Variants in CALN1 observed in about 807,000 individuals in gnomAD.
CALN1 encodes the protein calcium-binding protein 8.
A neutral mutation model predicts 30.6 loss-of-function variants in CALN1; 17 were observed. The observed-to-expected ratio is 0.56, with a 90% CI of 0.38 to 0.83. The LOEUF (loss-of-function observed/expected upper bound fraction) is 0.83, where lower values mean the gene tolerates loss of function less well. CALN1 is among the 40% of genes least tolerant of loss of function. The probability of loss-of-function intolerance (pLI) is 0.00; values close to 1 mark genes in which losing one functional copy is unlikely to be tolerated. For missense variants in CALN1, 291 were observed against 354.9 expected (o/e 0.82, Z 1.45); for synonymous variants, 156 against 131.4 (o/e 1.19, Z -1.28).
chr7:71,887,822 G>A (rs1793003765), intron 5 of CALN1, among the ~76,000 whole-genome samples: 1 of 152,136 alleles, frequency 6.6e-6, no homozygotes, highest in Non-Finnish European at 1.5e-5. Flanking sequence ...AAGGAGGAGA[G>A]CAGGTGGACA....
chr7:72,487,971 G>A, the CALN1 span, among the ~76,000 whole-genome samples: 5 of 132,812 alleles, frequency 3.8e-5, no homozygotes, highest in Non-Finnish European at 8.4e-5. Flanking sequence ...AGGAAGGAAG[G>A]AAGGAAGGAA....
chr7:72,416,734 C>CAAAAAAAAAAAAAAAAAAA (rs4029798), upstream of CALN1, among the ~76,000 whole-genome samples: 1 of 77,690 alleles, frequency 1.3e-5, no homozygotes, highest in African/African-American at 5.2e-5. Flanking sequence ...GACTCTGTCT[C>CAAAAAAAAAAAAAAAAAAA]AAAAAAAAAA....
At chr7:72,263,686 GATT>G (rs1317342685) in intron 3 of CALN1, among the ~76,000 whole-genome samples, 2 of 152,142 alleles carry the variant, frequency 1.3e-5, no homozygotes, top group Non-Finnish European at 2.9e-5. Context: ...ACAGTGTTGG[GATT>G]ACAGGCACGA....
intron 5 of CALN1, among the ~76,000 whole-genome samples, chr7:71,982,018 C>T (rs1258033316): frequency 2.6e-5 from 4 of 152,192 alleles, no homozygotes; most frequent in African/African-American, 4.8e-5. Flanking sequence ...TGGCTTCCCT[C>T]GCCTTGCCTT....
chr7:72,344,163 G>T (rs1359898152), intron 2 of CALN1, among the ~76,000 whole-genome samples: 1 of 152,090 alleles, frequency 6.6e-6, no homozygotes, highest in Non-Finnish European at 1.5e-5. Flanking sequence ...GGGCCTGTCT[G>T]CAGCTACTCA....
intron 3 of CALN1, among the ~76,000 whole-genome samples, chr7:72,186,649 C>G (rs534920825): frequency 6.6e-6 from 1 of 152,200 alleles, no homozygotes; most frequent in East Asian, 1.9e-4. Context: ...CTCTCACTTA[C>G]AAGTGAGAAC....
intron 2 of CALN1, among the ~76,000 whole-genome samples, chr7:72,292,342 G>A (rs1585383528): frequency 1.3e-5 from 2 of 151,718 alleles, no homozygotes; most frequent in Admixed American, 1.3e-4. Flanking sequence ...ACAGCAGAGA[G>A]CGCTCTGGTC....
chr7:72,152,745 T>C (rs570696247), intron 3 of CALN1, among the ~76,000 whole-genome samples: 1 of 151,976 alleles, frequency 6.6e-6, no homozygotes, highest in East Asian at 1.9e-4. Flanking sequence ...TTTTTCCTAG[T>C]TTTTCTTAGG....
intron 4 of CALN1, among the ~76,000 whole-genome samples, chr7:72,033,727 G>A (rs982856970): frequency 6.6e-6 from 1 of 152,166 alleles, no homozygotes; most frequent in African/African-American, 2.4e-5. Context: ...GGGCCCAGAA[G>A]GTCAAGGCAG....
chr7:72,300,969 G>A (rs933899551), intron 2 of CALN1, among the ~76,000 whole-genome samples: 10 of 152,078 alleles, frequency 6.6e-5, no homozygotes, highest in Admixed American at 2.6e-4. Context: ...ACTCCAGCCT[G>A]GGTGACAGAG....
At chr7:71,822,086 AC>A (rs1406305605) in intron 5 of CALN1, among the ~76,000 whole-genome samples, 1 of 151,640 alleles carries the variant, frequency 6.6e-6, no homozygotes, top group Non-Finnish European at 1.5e-5. Flanking sequence ...TGGTTTTTAA[AC>A]TTTTTAATGT....
chr7:72,284,609 G>A (rs1244176030), intron 2 of CALN1, among the ~76,000 whole-genome samples: 1 of 152,118 alleles, frequency 6.6e-6, no homozygotes, highest in African/African-American at 2.4e-5. Context: ...TCTTCAAGCT[G>A]GTACATCAGT....
chr7:72,389,818 C>G lies in CALN1; in HGVS notation c.119+13433G>C, dbSNP rs542401482. 2.9e-3 allele frequency among the ~76,000 whole-genome samples: 446 copies of G among 151,672 alleles called. 2 individuals are homozygous for G. Among genetic ancestry groups the G allele is most frequent in the African/African-American group, 0.01 (429 of 41,080 alleles). On this transcript the variant is annotated intron_variant, in intron 2 of 6. Transcript: ENST00000395275. ...CCTGTAATCCCAGCTACTCGGGAGG[C>G]TGAGGCAGGAGAATCCCTTGAACCC...
intron 3 of CALN1, among the ~76,000 whole-genome samples, chr7:72,268,401 T>C (rs1796734165): frequency 6.6e-6 from 1 of 152,208 alleles, no homozygotes; most frequent in Admixed American, 6.5e-5. Flanking sequence ...ACCAGTAACA[T>C]GGCTGTAGGC....
At chr7:72,437,513 C>T (rs565064289) in intron 1 of CALN1, among the ~76,000 whole-genome samples, 1 of 115,400 alleles carries the variant, frequency 8.7e-6, no homozygotes, top group Non-Finnish European at 1.8e-5. Flanking sequence ...GGTGAGAAAC[C>T]CAGTTGTGTG....
At chr7:72,226,818 A>G (rs1374342744) in intron 3 of CALN1, among the ~76,000 whole-genome samples, 1 of 152,188 alleles carries the variant, frequency 6.6e-6, no homozygotes, top group East Asian at 1.9e-4. Flanking sequence ...CAAGGTGAGC[A>G]GATGCCTTGA....
At chr7:72,134,137 T>C (rs1809347365) in intron 3 of CALN1, among the ~76,000 whole-genome samples, 1 of 152,170 alleles carries the variant, frequency 6.6e-6, no homozygotes, top group African/African-American at 2.4e-5. Flanking sequence ...TCTTCTGCCA[T>C]ATGAGGACAT....
At chr7:72,406,206 G>A (rs900972356) in intron 1 of CALN1, among the ~76,000 whole-genome samples, 4 of 152,140 alleles carry the variant, frequency 2.6e-5, no homozygotes, top group Admixed American at 1.3e-4. Context: ...CTGGCGTAAC[G>A]AGGGAAGCCA....
chr7:71,970,108 G>A (rs1374632124), intron 5 of CALN1, among the ~76,000 whole-genome samples: 1 of 151,938 alleles, frequency 6.6e-6, no homozygotes, highest in Non-Finnish European at 1.5e-5. Context: ...CTTGGCCTCC[G>A]AAAGTGCTAG....
Sources: gnomAD v4.1 joint callset for allele counts (sites outside exome capture counted in the v4.1 genomes callset) on GRCh38, gnomAD v4.1.1 for gene constraint, MANE v1.5 for transcripts, NCBI Gene and HGNC (gene_info 2026-07-23, HGNC 2026-07-21) for gene names.